The following SWT1 variants were observed in gnomAD, a reference collection of about 807,000 sequenced individuals.
SWT1 encodes transcriptional protein SWT1.
SWT1 carries 33 observed loss-of-function variants against 107.3 expected under a neutral mutation model. That is an observed-to-expected ratio of 0.31 (90% CI 0.23 to 0.41). SWT1 has a LOEUF of 0.41. SWT1 is among the 10% of genes least tolerant of loss of function. The pLI, the probability that SWT1 is intolerant of heterozygous loss-of-function variation, is 1.00. For synonymous variants in SWT1, 345 were observed against 348.3 expected, an observed-to-expected ratio of 0.99 and a Z score of 0.11; for missense variants, 898 against 1,028.9, an observed-to-expected ratio of 0.87 and a Z score of 1.74.
intron 10 of SWT1, 146 bp downstream of exon 10, chr1:185,190,788 G>A (rs1018971914): frequency 3.8e-6 from 2 of 525,140 alleles, no homozygotes; most frequent in African/African-American, 3.8e-5. Context: ...GTATCTGACA[G>A]TCTTATAATG....
At chr1:185,265,288 A>G (rs1663292043) in intron 16 of SWT1, among the ~76,000 whole-genome samples, 1 of 152,308 alleles carries the variant, frequency 6.6e-6, no homozygotes, top group South Asian at 2.1e-4. Flanking sequence ...TTAACTATAT[A>G]TGGCATTTTT....
At chr1:185,285,143 TTCC>T (rs759982329) in intron 18 of SWT1, among the ~76,000 whole-genome samples, 7 of 152,158 alleles carry the variant, frequency 4.6e-5, no homozygotes, top group Non-Finnish European at 8.8e-5. Context: ...CTTCTAGCCC[TTCC>T]TCCTCTTCCT....
At chr1:185,166,078 A>T (rs1314042341) in intron 2 of SWT1, among the ~76,000 whole-genome samples, 1 of 152,038 alleles carries the variant, frequency 6.6e-6, no homozygotes, top group Non-Finnish European at 1.5e-5. Context: ...CACTAAATAT[A>T]TTACTTGTTT....
chr1:185,205,492 C>T (rs568489682), intron 12 of SWT1, among the ~76,000 whole-genome samples: 1 of 152,162 alleles, frequency 6.6e-6, no homozygotes, highest in Non-Finnish European at 1.5e-5. Flanking sequence ...CCTCAGCCCC[C>T]CAAGCAGCTG....
intron 10 of SWT1, among the ~76,000 whole-genome samples, chr1:185,199,760 C>T (rs1657709795): frequency 1.3e-5 from 2 of 152,052 alleles, no homozygotes; most frequent in South Asian, 2.1e-4. Context: ...TTGTGGTGTT[C>T]TCTGTATTTT....
chr1:185,166,603 C>G lies in SWT1; in HGVS notation c.116C>G (p.Ser39Cys). 6.2e-7 allele frequency: 1 copy of G among 1,606,072 alleles called. No homozygotes were observed. Among genetic ancestry groups the G allele is most frequent in the Non-Finnish European group, 8.5e-7 (1 of 1,174,810 alleles). ...AAAGAGAGAAAAACCCCAGCAAGTTCTACTAGTTCATCTTCTATAAGATCA... is the reference window on the plus strand; with the variant it reads ...AAAGAGAGAAAAACCCCAGCAAGTTGTACTAGTTCATCTTCTATAAGATCA... ...DKKERKTPAS[S>C]TSSSSIRSVS... Residue 39 changes from serine to cysteine, a missense_variant, in exon 3 of 19, where the codon TCT (serine) becomes TGT (cysteine). By Grantham distance (112) the Ser-to-Cys change is moderately radical. This residue lies in a region of SWT1 where 382 missense variants were observed against 362.4 expected (regional missense o/e 1.05). Coordinates refer to ENST00000367500, the MANE Select transcript of SWT1 (RefSeq NM_017673.7).
intron 3 of SWT1, 149 bp from the exon 4 acceptor site, chr1:185,168,191 T>C: frequency 2.3e-6 from 1 of 441,890 alleles, no homozygotes; most frequent in South Asian, 3.2e-5. Context: ...GTTTGAGTTT[T>C]GTGAAACGGG....
At chr1:185,157,627 G>C (rs539814052) in intron 1 of SWT1, 2 of 152,260 alleles carry the variant, frequency 1.3e-5, no homozygotes, top group Admixed American at 6.5e-5. Context: ...TGGAATTAGG[G>C]TCTGTTCTTC....
rs1199412388 is a variant in SWT1, at chr1:185,175,259, G to A, written c.966+146G>A. 16 of 711,952 alleles carry A rather than the reference G, an allele frequency of 2.2e-5. No individual in the cohort carries two copies. In the East Asian group the frequency reaches 3.1e-4, roughly 14 times the overall value. 44.1% of individuals were successfully genotyped at this position (711,952 alleles called of 1,614,324 possible). The stretch of plus-strand genomic sequence containing the variant: ...TGTTTTTGAGACAGGGTCTCACTCC[G>A]TTGCCCAAGCTGGAGTGCATGCAGT... On this transcript the variant is annotated intron_variant, in intron 5 of 18. Transcript: ENST00000367500.
intron 5 of SWT1, 122 bp downstream of exon 5, chr1:185,175,235 GT>G: frequency 1.1e-6 from 1 of 900,058 alleles, no homozygotes; most frequent in Non-Finnish European, 1.5e-6. Flanking sequence ...TTTGTTTTTT[GT>G]TTTTGAGACA....
intron 15 of SWT1, chr1:185,227,794 T>C: frequency 2.9e-6 from 1 of 348,980 alleles, no homozygotes; most frequent in Admixed American, 3.8e-5. Context: ...TTTAAAAATG[T>C]GTATCCTGAG....
At chr1:185,164,522 C>T (rs1654416721) in intron 2 of SWT1, among the ~76,000 whole-genome samples, 1 of 152,224 alleles carries the variant, frequency 6.6e-6, no homozygotes, top group African/African-American at 2.4e-5. Flanking sequence ...CAACCACCTT[C>T]ATCAATGATC....
At chr1:185,254,954 C>T (rs1054820986) in intron 16 of SWT1, among the ~76,000 whole-genome samples, 27 of 152,162 alleles carry the variant, frequency 1.8e-4, no homozygotes, top group South Asian at 8.3e-4. Context: ...GCGTTGAATG[C>T]GTCCCAGAGA....
chr1:185,250,585 G>T (rs1005998081), intron 16 of SWT1, among the ~76,000 whole-genome samples: 4 of 151,850 alleles, frequency 2.6e-5, no homozygotes, highest in African/African-American at 9.7e-5. Context: ...CCCATTACTT[G>T]GTTCAGTTGT....
Position 185,259,821 on chromosome 1 carries a change from A to G in SWT1, c.2442-11502A>G, listed in dbSNP as rs191586261. 1.3e-3 allele frequency among the ~76,000 whole-genome samples: 203 copies of G among 152,278 alleles called. 2 individuals are homozygous for G. Among genetic ancestry groups the G allele is most frequent in the Admixed American group, 0.013 (200 of 15,304 alleles). ...TTATGTCAGCATAATAAAGTTATCT[A>G]AAAATACTGAAACACAATTGGACAG... On this transcript the variant is annotated intron_variant, in intron 16 of 18. Coordinates refer to ENST00000367500, the MANE Select transcript of SWT1 (RefSeq NM_017673.7).
rs1423714700 is a variant in SWT1 at position 185,227,208 on chromosome 1, T to A, written c.2310-4369T>A. 9 of 835,370 alleles carry A rather than the reference T, an allele frequency of 1.1e-5. No homozygotes were observed. In the Admixed American group the frequency reaches 1.5e-4, roughly 14 times the overall value. 51.7% of individuals were successfully genotyped at this position (835,370 alleles called of 1,614,324 possible). A position where few individuals can be genotyped will look rare whatever the true frequency, so the allele number is the denominator to read the frequency against. ...AGACAAGCATCCATCCACAGCTCCCTTCAGGGTGCTAAAAACTTTATTGCC... is the reference window on the plus strand; with the variant it reads ...AGACAAGCATCCATCCACAGCTCCCATCAGGGTGCTAAAAACTTTATTGCC... On this transcript the variant is annotated intron_variant, in intron 15 of 18. Coordinates refer to ENST00000367500, the MANE Select transcript of SWT1 (RefSeq NM_017673.7).
intron 14 of SWT1, among the ~76,000 whole-genome samples, chr1:185,220,138 CAAAAAAAAA>C (rs34674504): frequency 2.0e-4 from 9 of 45,642 alleles, no homozygotes; most frequent in African/African-American, 8.8e-4. Context: ...GACCCTGTCT[CAAAAAAAAA>C]AAAAAAAAAA....
rs761474351 is a variant in SWT1 at position 185,184,892 on chromosome 1, C to T, written c.1390C>T (p.Leu464=). The T allele has an allele frequency of 2.6e-6, 4 of 1,532,542 alleles. No homozygotes were observed. Among genetic ancestry groups the T allele is most frequent in the Non-Finnish European group, 3.5e-6 (4 of 1,143,812 alleles). 94.9% of individuals were successfully genotyped at this position (1,532,542 alleles called of 1,614,324 possible). Residue 464 remains leucine, a synonymous_variant, in exon 9 of 19, where the codon CTA becomes TTA. Coordinates refer to ENST00000367500, the MANE Select transcript of SWT1 (RefSeq NM_017673.7). ...CAGTCTCAAAAATCAAGATAGAAAG[C>T]TATGGGGTCAGTCAATACAACTTGC... ...NDSLKNQDRK[L]WGQSIQLASQ... is the part of the protein sequence containing the mutation.
At chr1:185,183,530 G>A (rs1048995991) in intron 7 of SWT1, among the ~76,000 whole-genome samples, 5 of 152,078 alleles carry the variant, frequency 3.3e-5, no homozygotes, top group African/African-American at 9.7e-5. Context: ...TGATTGGCCC[G>A]CCTCGGCCTC....
Sources: allele counts gnomAD v4.1 joint callset (sites outside exome capture counted in the v4.1 genomes callset), GRCh38; gene constraint gnomAD v4.1.1; regional missense constraint gnomAD v4.1.1; transcripts MANE v1.5; gene names NCBI Gene and HGNC (gene_info 2026-07-23, HGNC 2026-07-21).